The following COG5 variants were observed in gnomAD, a reference collection of about 807,000 sequenced individuals.
COG5 encodes conserved oligomeric Golgi complex subunit 5.
Under a neutral mutation model 110.4 loss-of-function variants are expected in COG5, and 86 were observed. The observed-to-expected ratio is 0.78, with a 90% CI of 0.65 to 0.93. COG5 has a LOEUF of 0.93. COG5 is among the 40% of genes least tolerant of loss of function. COG5 has a pLI of 0.00. For missense variants in COG5, 1,077 were observed against 987.0 expected (o/e 1.09, Z -1.22); for synonymous variants, 360 against 334.6 (o/e 1.08, Z -0.83).
At chr7:107,440,532 T>C (rs556436142) in intron 6 of COG5, among the ~76,000 whole-genome samples, 35 of 152,266 alleles carry the variant, frequency 2.3e-4, no homozygotes, top group African/African-American at 7.0e-4. Flanking sequence ...TGCATGCTAA[T>C]AGAATGATGG....
At chr7:107,487,696 G>A (rs978640935) in intron 6 of COG5, among the ~76,000 whole-genome samples, 2 of 151,194 alleles carry the variant, frequency 1.3e-5, no homozygotes, top group Middle Eastern at 3.4e-3. Flanking sequence ...GTATGTTTAA[G>A]GATGATCAAA....
At chr7:107,301,864 G>A (rs960521509) in intron 11 of COG5, among the ~76,000 whole-genome samples, 9 of 151,526 alleles carry the variant, frequency 5.9e-5, no homozygotes, top group Admixed American at 5.9e-4. Flanking sequence ...GTGAGACTCT[G>A]CCTCAAAAAA....
chr7:107,256,700 G>A (rs1040883825), intron 16 of COG5, 32 bp downstream of exon 16: 6 of 1,483,168 alleles, frequency 4.0e-6, no homozygotes, highest in Admixed American at 3.4e-5. Context: ...AAACCACTTT[G>A]ATCTATAGAG....
At position 107,202,879 on chromosome 7, in the gene COG5, G is replaced by GACAT. The variant is rs1372443796; in HGVS notation, c.*633_*636dup. 6.6e-6 allele frequency: 1 copy of GACAT among 152,466 alleles called. No individual in the cohort carries two copies. The highest frequency in any genetic ancestry group is 2.4e-5 in the African/African-American group (1 of 41,386). The allele number at this position is 152,466 out of a possible 1,614,324, so 9.4% of individuals were successfully genotyped here. A position where few individuals can be genotyped will look rare whatever the true frequency, so the allele number is the denominator to read the frequency against. ...CTTGCTTTATTTAAAGATCCAGTATGACATACTTAAAAAGGCCATTTAACC... is the reference window on the plus strand; with the variant it reads ...CTTGCTTTATTTAAAGATCCAGTATGACATACATACTTAAAAAGGCCATTTAACC... On this transcript the variant is annotated 3_prime_UTR_variant, in exon 22 of 22. Coordinates refer to ENST00000297135, the MANE Select transcript of COG5 (RefSeq NM_006348.5).
At position 107,203,295 on chromosome 7, in the gene COG5, T is replaced by C. The variant is rs1016893906; in HGVS notation, c.*221A>G. ...AAAATCTGAAAGAGGAAAACATCTT[T>C]CTGGAAAAATCAGGTCCATGGAATT... On this transcript the variant is annotated 3_prime_UTR_variant, in exon 22 of 22. Transcript: ENST00000297135. 4 of 565,820 alleles carry C rather than the reference T, an allele frequency of 7.1e-6. No individual in the cohort carries two copies. The Admixed American group carries it at 9.1e-5, about 13-fold the overall frequency. 35.0% of individuals were successfully genotyped at this position (565,820 alleles called of 1,614,324 possible).
intron 5 of COG5, among the ~76,000 whole-genome samples, chr7:107,543,428 G>A (rs892190284): frequency 3.3e-5 from 5 of 151,992 alleles, no homozygotes; most frequent in African/African-American, 4.8e-5. Context: ...GGCTGCCCCC[G>A]CCCGACTCCA....
At position 107,362,126 on chromosome 7, in the gene COG5, T is replaced by G; in HGVS notation, c.949-16A>C. Reference sequence around the variant, plus strand: ...GATGTTGTACCTTAAATGAAACAAATGTAAAGCTTAGGCAATAGAAAAAGC... The same window carrying G: ...GATGTTGTACCTTAAATGAAACAAAGGTAAAGCTTAGGCAATAGAAAAAGC... On this transcript the variant is annotated splice_polypyrimidine_tract_variant and intron_variant, in intron 9 of 21. Coordinates refer to ENST00000297135, the MANE Select transcript of COG5 (RefSeq NM_006348.5). 6.3e-7 allele frequency: 1 copy of G among 1,585,090 alleles called. No homozygotes were observed. The highest frequency in any genetic ancestry group is 8.6e-7 in the Non-Finnish European group (1 of 1,156,730).
At position 107,259,270 on chromosome 7, in the gene COG5, AT is replaced by A. The variant is rs767590129; in HGVS notation, c.1576-888del. Reference sequence around the variant, plus strand: ...AGTATAACCAGGTTAAACAACTCCAATTTATTTTGACTTTCCTCATGGACAA... The same window carrying A: ...AGTATAACCAGGTTAAACAACTCCAATTATTTTGACTTTCCTCATGGACAA... On this transcript the variant is annotated intron_variant, in intron 14 of 21. Transcript: ENST00000297135. 4.6e-5 allele frequency among the ~76,000 whole-genome samples: 7 copies of A among 152,190 alleles called. No homozygotes were observed. The East Asian group carries it at 1.3e-3, about 29-fold the overall frequency.
chr7:107,431,012 CA>C (rs551597553), intron 6 of COG5, among the ~76,000 whole-genome samples: 1 of 151,598 alleles, frequency 6.6e-6, no homozygotes, highest in African/African-American at 2.4e-5. Context: ...AACAAACAAA[CA>C]AAAAAAACAA....
chr7:107,456,011 C>A (rs1350317394), intron 6 of COG5, among the ~76,000 whole-genome samples: 2 of 151,974 alleles, frequency 1.3e-5, no homozygotes, highest in Non-Finnish European at 2.9e-5. Context: ...GTTGGCCAGG[C>A]TGGTCTCGAA....
chr7:107,307,059 G>A (rs1020220605), intron 11 of COG5, among the ~76,000 whole-genome samples: 3 of 152,064 alleles, frequency 2.0e-5, no homozygotes, highest in Non-Finnish European at 4.4e-5. Context: ...AACACACTCC[G>A]CCTTAACTCT....
intron 14 of COG5, among the ~76,000 whole-genome samples, chr7:107,269,663 T>C (rs963000648): frequency 1.3e-5 from 2 of 152,196 alleles, no homozygotes; most frequent in South Asian, 2.1e-4. Flanking sequence ...TATTATTTCT[T>C]ATTTTATGCA....
chr7:107,304,621 ATCCCAGAGTTG>A (rs1228884720), intron 11 of COG5, among the ~76,000 whole-genome samples: 1 of 152,184 alleles, frequency 6.6e-6, no homozygotes, highest in Non-Finnish European at 1.5e-5. Context: ...TGTATTCTTT[ATCCCAGAGTTG>A]GAGCAATCTT....
chr7:107,214,134 T>C (rs1473299359), intron 19 of COG5, among the ~76,000 whole-genome samples: 1 of 151,396 alleles, frequency 6.6e-6, no homozygotes, highest in Non-Finnish European at 1.5e-5. Flanking sequence ...AACTGAAAAA[T>C]TAAATAGCAA....
intron 6 of COG5, among the ~76,000 whole-genome samples, chr7:107,520,070 A>ATT (rs1800217180): frequency 6.6e-6 from 1 of 152,218 alleles, no homozygotes; most frequent in Non-Finnish European, 1.5e-5. Context: ...ACAGACACAG[A>ATT]AAAGGGCTCT....
At chr7:107,314,534 G>C (rs1808554595) in intron 11 of COG5, among the ~76,000 whole-genome samples, 1 of 147,110 alleles carries the variant, frequency 6.8e-6, no homozygotes, top group Non-Finnish European at 1.5e-5. Flanking sequence ...ACGAGGTCAG[G>C]AGATAAGAGA....
intron 11 of COG5, among the ~76,000 whole-genome samples, chr7:107,311,749 A>G (rs1223687060): frequency 6.6e-6 from 1 of 151,918 alleles, no homozygotes; most frequent in Non-Finnish European, 1.5e-5. Context: ...GAAGCTTTTT[A>G]TATAATAGAG....
chr7:107,269,327 T>C (rs982667072), intron 14 of COG5, among the ~76,000 whole-genome samples: 1 of 151,996 alleles, frequency 6.6e-6, no homozygotes, highest in African/African-American at 2.4e-5. Flanking sequence ...TACAAAAAAT[T>C]AGCCGGGTGT....
intron 6 of COG5, among the ~76,000 whole-genome samples, chr7:107,514,759 T>C (rs981243987): frequency 1.3e-5 from 2 of 152,210 alleles, no homozygotes; most frequent in African/African-American, 4.8e-5. Context: ...GCACACATAG[T>C]AGATATTCAA....
Sources: allele counts gnomAD v4.1 joint callset (sites outside exome capture counted in the v4.1 genomes callset), GRCh38; gene constraint gnomAD v4.1.1; transcripts MANE v1.5; gene names NCBI Gene and HGNC (gene_info 2026-07-23, HGNC 2026-07-21).